Variants in AMY2B observed in about 807,000 individuals in gnomAD.
AMY2B encodes the protein alpha-amylase 2B.
Under a neutral mutation model 59.3 loss-of-function variants are expected in AMY2B, and 63 were observed. That is an observed-to-expected ratio of 1.06 (90% CI 0.87 to 1.31). The LOEUF (loss-of-function observed/expected upper bound fraction) is 1.31, where lower values mean the gene tolerates loss of function less well. AMY2B is among the 50% of genes most tolerant of loss of function. The probability of loss-of-function intolerance (pLI) is 0.00; values close to 1 mark genes in which losing one functional copy is unlikely to be tolerated. For synonymous variants in AMY2B, 180 were observed against 198.1 expected, an observed-to-expected ratio of 0.91 and a Z score of 0.77; for missense variants, 635 against 626.7, an observed-to-expected ratio of 1.01 and a Z score of -0.14.
intron 1 of AMY2B, chr1:103,565,176 G>A (rs1340128130): frequency 2.6e-5 from 4 of 152,072 alleles, no homozygotes; most frequent in African/African-American, 4.8e-5. Flanking sequence ...TATCTGTGGG[G>A]GATTGGTTCC....
intron 1 of AMY2B, among the ~76,000 whole-genome samples, chr1:103,557,546 C>T (rs901495565): frequency 1.3e-5 from 2 of 151,478 alleles, no homozygotes; most frequent in African/African-American, 2.4e-5. Flanking sequence ...CCCAGCTACT[C>T]GGGAGGCTGA....
upstream of AMY2B, chr1:103,571,161 T>A: frequency 2.2e-6 from 2 of 920,132 alleles, no homozygotes; most frequent in Non-Finnish European, 2.7e-6. Context: ...TAGCTTCTGT[T>A]GTCTGCCAGA....
At chr1:103,567,168 T>A (rs570635763), upstream of AMY2B, among the ~76,000 whole-genome samples, 7 of 152,276 alleles carry the variant, frequency 4.6e-5, no homozygotes, top group African/African-American at 1.4e-4. Flanking sequence ...AAAGTTGTGG[T>A]TTCAACTTAA....
chr1:103,571,415 A>T, upstream of AMY2B: 1 of 1,305,806 alleles, frequency 7.7e-7, no homozygotes, highest in Non-Finnish European at 1.0e-6. Context: ...AAGGTCATTT[A>T]GATGATTTCC....
intron 5 of AMY2B, among the ~76,000 whole-genome samples, chr1:103,574,721 A>G (rs1399078353): frequency 6.6e-6 from 1 of 151,992 alleles, no homozygotes; most frequent in East Asian, 1.9e-4. Context: ...TAAAGTATGT[A>G]CAAAGTTTCC....
At position 103,557,150 on chromosome 1, in the gene AMY2B, GCACA is replaced by G. The variant is rs746677345; in HGVS notation, c.-207+2060_-207+2063del. 5.5e-3 allele frequency among the ~76,000 whole-genome samples: 817 copies of G among 148,186 alleles called. 6 individuals carry two copies. Among genetic ancestry groups the G allele is most frequent in the East Asian group, 9.5e-3 (48 of 5,052 alleles). On this transcript the variant is annotated intron_variant, in intron 1 of 11. Transcript: ENST00000361355. ...AGGAAATCTTAAAGCGTGCGCGCGC[GCACA>G]CACACACACACACACACATACATAC...
intron 1 of AMY2B, among the ~76,000 whole-genome samples, chr1:103,560,434 G>C (rs1271374728): frequency 6.6e-6 from 1 of 151,926 alleles, no homozygotes; most frequent in Admixed American, 6.6e-5. Context: ...CATTTATTTG[G>C]TTCTAGCTTT....
At chr1:103,577,215 G>A (rs1170043784) in intron 7 of AMY2B, among the ~76,000 whole-genome samples, 4 of 152,190 alleles carry the variant, frequency 2.6e-5, no homozygotes, top group Admixed American at 6.5e-5. Flanking sequence ...TCCAGCCTGG[G>A]TGACAGAGCA....
Position 103,579,437 on chromosome 1 carries a change from T to A in AMY2B, c.1473T>A (p.His491Gln). The A allele has an allele frequency of 6.2e-7, 1 of 1,611,788 alleles. No homozygotes were observed. The highest frequency in any genetic ancestry group is 8.5e-7 in the Non-Finnish European group (1 of 1,179,706). ...ACGTTTCTGACGATGGCAAAGCTCA[T>A]TTTTCTATTAGTAACTCTGCTGAGG... is the stretch of plus-strand genomic sequence containing the variant. ...KIYVSDDGKA[H>Q]FSISNSAEDP... is the part of the protein sequence containing the mutation. Residue 491 changes from histidine (H) to glutamine (Q), a missense_variant, in exon 10 of 10, where the codon CAT becomes CAA. His to Gln is a conservative substitution (Grantham distance 24). Coordinates refer to ENST00000684275, the MANE Select transcript of AMY2B (RefSeq NM_001387437.1).
rs761482782 is a variant in AMY2B, at chr1:103,572,249, A to G, written c.308A>G (p.Asn103Ser). ...AGAAACATGGTGACTAGATGTAACA[A>G]TGTTGGGGTAAGTGAATTCTAGTTT... ...EFRNMVTRCN[N>S]VGVRIYVDAV... The change falls in exon 2 of 10, where the codon AAT (asparagine) becomes AGT (serine). Residue 103 changes from asparagine (N) to serine (S), a missense_variant. By Grantham distance (46) the Asn-to-Ser change is conservative (BLOSUM62 1). Transcript: ENST00000684275. The G allele has an allele frequency of 2.5e-6, 4 of 1,610,154 alleles. No individual in the cohort carries two copies. The highest frequency in any genetic ancestry group is 1.7e-5 in the Admixed American group (1 of 59,904).
At chr1:103,568,801 G>T (rs1196867621), upstream of AMY2B, 1 of 150,658 alleles carries the variant, frequency 6.6e-6, no homozygotes, top group Admixed American at 6.6e-5. Context: ...TATATATATG[G>T]AATATATATA....
intron 1 of AMY2B, among the ~76,000 whole-genome samples, chr1:103,557,139 C>T (rs1419739353): frequency 6.6e-6 from 1 of 150,456 alleles, no homozygotes; most frequent in Non-Finnish European, 1.5e-5. Context: ...AATCTTAAAG[C>T]GTGCGCGCGC....
At chr1:103,566,415 CCAAAAGA>C (rs1651914130) in intron 2 of AMY2B, among the ~76,000 whole-genome samples, 1 of 152,034 alleles carries the variant, frequency 6.6e-6, no homozygotes, top group Non-Finnish European at 1.5e-5. Flanking sequence ...TTAAAAGAAA[CCAAAAGA>C]CACTAGGGAA....
At chr1:103,557,505 A>T (rs943304281) in intron 1 of AMY2B, among the ~76,000 whole-genome samples, 3 of 151,924 alleles carry the variant, frequency 2.0e-5, no homozygotes, top group African/African-American at 4.8e-5. Flanking sequence ...TACAAAAAAA[A>T]TTGCTGGGCA....
chr1:103,579,343 C>T lies in AMY2B; in HGVS notation c.1379C>T (p.Pro460Leu). 6.2e-7 allele frequency: 1 copy of T among 1,611,722 alleles called. No homozygotes were observed. Among genetic ancestry groups the T allele is most frequent in the Non-Finnish European group, 8.5e-7 (1 of 1,179,702 alleles). Residue 460 changes from proline to leucine, a missense_variant, in exon 10 of 10, where the codon CCT becomes CTT. By Grantham distance (98) the Pro-to-Leu change is moderately conservative. Coordinates refer to ENST00000684275, the MANE Select transcript of AMY2B (RefSeq NM_001387437.1). ...TFSLTLQTGL[P>L]AGTYCDVISG... The stretch of plus-strand genomic sequence containing the variant: ...TCTTTAACTTTGCAAACTGGTCTTC[C>T]TGCTGGCACATACTGTGATGTCATT...
chr1:103,561,076 G>A (rs1177698594), intron 1 of AMY2B, among the ~76,000 whole-genome samples: 2 of 146,110 alleles, frequency 1.4e-5, no homozygotes, highest in African/African-American at 5.1e-5. Context: ...ATAATGCATA[G>A]AAATGGCACA....
intron 7 of AMY2B, chr1:103,575,812 C>A (rs1398667728): frequency 5.2e-6 from 2 of 387,612 alleles, no homozygotes; most frequent in Non-Finnish European, 8.9e-6. Context: ...AAGAGCTAGG[C>A]ACAGGGATTA....
At chr1:103,567,323 C>G (rs2101067158), upstream of AMY2B, among the ~76,000 whole-genome samples, 1 of 152,182 alleles carries the variant, frequency 6.6e-6, no homozygotes, top group Non-Finnish European at 1.5e-5. Context: ...ACAGAGTTCA[C>G]AGGATTGGCT....
At chr1:103,565,024 C>A (rs1472327645) in intron 1 of AMY2B, 2 of 152,052 alleles carry the variant, frequency 1.3e-5, no homozygotes, top group African/African-American at 4.8e-5. Flanking sequence ...ATTTTCTGTA[C>A]AGTCTCCACC....
Sources: allele counts gnomAD v4.1 joint callset (sites outside exome capture counted in the v4.1 genomes callset), GRCh38; gene constraint gnomAD v4.1.1; transcripts MANE v1.5; gene names NCBI Gene and HGNC (gene_info 2026-07-23, HGNC 2026-07-21).